The following CSNK1A1 variants were observed in gnomAD, a reference collection of about 807,000 sequenced individuals.
CSNK1A1 encodes casein kinase 1 alpha 1.
A neutral mutation model predicts 46.1 loss-of-function variants in CSNK1A1; 7 were observed. The ratio of observed to expected loss-of-function variants is 0.15; its 90% CI spans 0.09 to 0.29. The LOEUF is 0.29. Ranked by LOEUF, CSNK1A1 falls within the 10% of genes least tolerant of loss-of-function variation. The pLI, the probability that CSNK1A1 is intolerant of heterozygous loss-of-function variation, is 1.00. For synonymous variants in CSNK1A1, 137 were observed against 141.5 expected (o/e 0.97, Z 0.23); for missense variants, 96 against 417.1 (o/e 0.23, Z 6.71).
At chr5:149,514,024 A>C (rs951819256) in intron 4 of CSNK1A1, among the ~76,000 whole-genome samples, 1 of 152,202 alleles carries the variant, frequency 6.6e-6, no homozygotes, top group Non-Finnish European at 1.5e-5. Context: ...AATGAAACCA[A>C]GACTTTTTAT....
intron 3 of CSNK1A1, among the ~76,000 whole-genome samples, chr5:149,521,406 AC>A (rs1253494424): frequency 1.3e-5 from 2 of 151,442 alleles, no homozygotes; most frequent in African/African-American, 4.9e-5. Flanking sequence ...AGTAGCTGAA[AC>A]TATAAGGTGC....
At chr5:149,521,613 G>T (rs1387423065) in intron 3 of CSNK1A1, among the ~76,000 whole-genome samples, 1 of 150,978 alleles carries the variant, frequency 6.6e-6, no homozygotes, top group African/African-American at 2.4e-5. Flanking sequence ...CCTTCCATGA[G>T]GATTTTTTTT....
chr5:149,550,315 C>G lies in CSNK1A1; in HGVS notation c.124-134G>C. On this transcript the variant is annotated intron_variant, in intron 1 of 9. Transcript: ENST00000377843. The surrounding 1 kb of genome is among the most constrained non-coding windows in gnomAD (Gnocchi z 4.3). ...TGAAAAGCTGGAAAGAGAAAGCTCTCGGTAATTATAAAACGAGGCAACCAG... is the reference window on the plus strand; with the variant it reads ...TGAAAAGCTGGAAAGAGAAAGCTCTGGGTAATTATAAAACGAGGCAACCAG... The G allele has an allele frequency of 6.9e-7, 1 of 1,456,102 alleles. No homozygotes were observed. The highest frequency in any genetic ancestry group is 9.0e-7 in the Non-Finnish European group (1 of 1,109,098). The allele number at this position is 1,456,102 out of a possible 1,614,324, so 90.2% of individuals were successfully genotyped here.
At chr5:149,504,095 C>T (rs893076909) in intron 9 of CSNK1A1, 5 of 985,286 alleles carry the variant, frequency 5.1e-6, no homozygotes, top group Middle Eastern at 5.2e-4. Context: ...ATGATTAAAA[C>T]ACTCAAAAGG....
At chr5:149,520,449 C>CTTAAGTA in intron 3 of CSNK1A1, 61 bp from the exon 4 acceptor site, 1 of 939,374 alleles carries the variant, frequency 1.1e-6, no homozygotes, top group East Asian at 2.4e-5. Flanking sequence ...CAACACATTT[C>CTTAAGTA]TTAAGTATTT....
chr5:149,525,163 C>T lies in CSNK1A1; in HGVS notation c.239G>A (p.Gly80Asp). 1.2e-6 allele frequency: 2 copies of T among 1,601,458 alleles called. No homozygotes were observed. Among genetic ancestry groups the T allele is most frequent in the Non-Finnish European group, 1.7e-6 (2 of 1,175,870 alleles). Reference protein sequence around the residue: ...GVGIPHIRWYGQEKDYNVLVM... With the variant: ...GVGIPHIRWYDQEKDYNVLVM... ...TAGTACATTGTAGTCTTTTTCCTGA[C>T]CATACCACCTAACGAAACAAAAGGA... is the stretch of plus-strand genomic sequence containing the variant. The change falls in exon 3 of 10, where the codon GGT becomes GAT. Residue 80 changes from glycine (G) to aspartate (D), a missense_variant. Transcript: ENST00000377843. The surrounding 1 kb of genome is among the most constrained non-coding windows in gnomAD (Gnocchi z 4.2).
intron 2 of CSNK1A1, chr5:149,529,666 T>C (rs540723893): frequency 2.0e-5 from 9 of 455,942 alleles, no homozygotes; most frequent in South Asian, 6.2e-5. Context: ...AGGTGGCAGA[T>C]AGATTGAAGC....
chr5:149,511,042 C>T (rs1761206517), intron 6 of CSNK1A1, among the ~76,000 whole-genome samples: 1 of 152,122 alleles, frequency 6.6e-6, no homozygotes, highest in Non-Finnish European at 1.5e-5. Flanking sequence ...AAATTTAGGA[C>T]ACACCAACAG....
chr5:149,538,028 T>G (rs367901899), intron 2 of CSNK1A1, among the ~76,000 whole-genome samples: 6 of 141,346 alleles, frequency 4.2e-5, no homozygotes, highest in South Asian at 4.6e-4. Flanking sequence ...TTTTTTTTTT[T>G]TTTTTTTTTT....
chr5:149,516,544 A>G (rs1761410392), intron 4 of CSNK1A1, among the ~76,000 whole-genome samples: 1 of 152,124 alleles, frequency 6.6e-6, no homozygotes, highest in South Asian at 2.1e-4. Context: ...TCACTTTACT[A>G]AAAACCTAGC....
chr5:149,512,270 T>C (rs1255928030), intron 5 of CSNK1A1, among the ~76,000 whole-genome samples: 1 of 152,000 alleles, frequency 6.6e-6, no homozygotes, highest in East Asian at 1.9e-4. Flanking sequence ...TATGAATGTA[T>C]TCATGCATAC....
chr5:149,542,710 T>A (rs1762343475), intron 2 of CSNK1A1, among the ~76,000 whole-genome samples: 1 of 92,054 alleles, frequency 1.1e-5, no homozygotes, highest in African/African-American at 4.2e-5. Flanking sequence ...TTTTTTTTTT[T>A]TTTGAGACAG....
rs754515962 is a variant in CSNK1A1 at position 149,520,326 on chromosome 5, A to G, written c.420T>C (p.Asp140=). 6.2e-7 allele frequency: 1 copy of G among 1,610,430 alleles called. No individual in the cohort carries two copies. The highest frequency in any genetic ancestry group is 8.5e-7 in the Non-Finnish European group (1 of 1,177,024). The change falls in exon 4 of 10, where the codon GAT becomes GAC. Residue 140 remains aspartate (D), a synonymous_variant. Transcript: ENST00000377843. ...KNFIHRDIKP[D]NFLMGIGRHC... is the part of the protein sequence containing the mutation. ...GACGCCCAATACCCATTAGGAAGTT[A>G]TCTGGTTTAATGTCTCTGTGTATAA...
At chr5:149,512,754 C>T (rs1316683390) in intron 5 of CSNK1A1, among the ~76,000 whole-genome samples, 1 of 152,054 alleles carries the variant, frequency 6.6e-6, no homozygotes, top group Non-Finnish European at 1.5e-5. Flanking sequence ...ATAAAAAGCC[C>T]CAAATAGCTC....
chr5:149,516,463 C>T (rs1375339772), intron 4 of CSNK1A1, among the ~76,000 whole-genome samples: 1 of 151,070 alleles, frequency 6.6e-6, no homozygotes, highest in Non-Finnish European at 1.5e-5. Flanking sequence ...GTGTTTAGTA[C>T]TTGCAGCATT....
intron 2 of CSNK1A1, among the ~76,000 whole-genome samples, chr5:149,547,666 ATAG>A (rs748806329): frequency 5.9e-5 from 9 of 152,072 alleles, no homozygotes; most frequent in Non-Finnish European, 1.3e-4. Flanking sequence ...ATTTTCCCAC[ATAG>A]TAGGTTTTTT....
chr5:149,530,112 T>C (rs183611822), intron 2 of CSNK1A1, among the ~76,000 whole-genome samples: 2 of 152,260 alleles, frequency 1.3e-5, no homozygotes, highest in African/African-American at 4.8e-5. Flanking sequence ...AAATTTAATG[T>C]AGATCTTCCC....
chr5:149,505,490 G>A lies in CSNK1A1; in HGVS notation c.963C>T (p.Thr321=). The A allele has an allele frequency of 1.2e-6, 2 of 1,614,040 alleles. No homozygotes were observed. The highest frequency in any genetic ancestry group is 1.7e-6 in the Non-Finnish European group (2 of 1,180,010). ...SSSGQGQQAQ[T]PTGKQTDKTK... is the part of the protein sequence containing the mutation. ...TTTTGTCAGTTTGCTTGCCTGTGGG[G>A]GTTTGGGCCTGCTGACCCTGCCCAC... Residue 321 remains threonine (T), a synonymous_variant, in exon 9 of 10, where the codon ACC becomes ACT. Coordinates refer to ENST00000377843, the MANE Select transcript of CSNK1A1 (RefSeq NM_001892.6).
chr5:149,520,159 C>T (rs1334164363), intron 4 of CSNK1A1, 131 bp downstream of exon 4: 1 of 579,294 alleles, frequency 1.7e-6, no homozygotes, highest in Admixed American at 3.2e-5. Flanking sequence ...CCTCATAGCA[C>T]AATCTTTTAA....
Sources: gnomAD v4.1 joint callset for allele counts (sites outside exome capture counted in the v4.1 genomes callset) on GRCh38, gnomAD v4.1.1 for gene constraint, Gnocchi (gnomAD v3.1) non-coding constraint, MANE v1.5 for transcripts, NCBI Gene and HGNC (gene_info 2026-07-23, HGNC 2026-07-21) for gene names.